TTC29: variants seen among roughly 807,000 people sequenced by gnomAD.
The protein encoded by TTC29 is tetratricopeptide repeat protein 29.
TTC29 carries 49 observed loss-of-function variants against 58.1 expected under a neutral mutation model. The observed-to-expected ratio is 0.84, with a 90% confidence interval of 0.67 to 1.07. The LOEUF (loss-of-function observed/expected upper bound fraction) is 1.07, where lower values mean the gene tolerates loss of function less well. Among genes scored for constraint, TTC29 ranks in the 50% least tolerant of loss-of-function variants. The pLI, the probability that TTC29 is intolerant of heterozygous loss-of-function variation, is 0.00. For missense variants in TTC29, 582 were observed against 555.6 expected (o/e 1.05, Z -0.48); for synonymous variants, 209 against 196.8 (o/e 1.06, Z -0.52).
At chr4:146,815,210 A>G (rs1022926535) in intron 10 of TTC29, among the ~76,000 whole-genome samples, 2 of 152,192 alleles carry the variant, frequency 1.3e-5, no homozygotes, top group Non-Finnish European at 2.9e-5. Context: ...CAGTGTCTAC[A>G]TGAGACAATA....
At chr4:146,869,114 A>G (rs941946989) in intron 7 of TTC29, among the ~76,000 whole-genome samples, 2 of 150,982 alleles carry the variant, frequency 1.3e-5, no homozygotes, top group African/African-American at 4.9e-5. Flanking sequence ...AAAAAAAAAA[A>G]AAAAACCTCT....
At chr4:146,855,303 C>T (rs570448638) in intron 8 of TTC29, among the ~76,000 whole-genome samples, 8 of 152,226 alleles carry the variant, frequency 5.3e-5, no homozygotes, top group African/African-American at 9.6e-5. Flanking sequence ...CATGGTGGTG[C>T]ACGCCTGTAA....
chr4:146,839,969 AG>A (rs1728750320), intron 8 of TTC29, among the ~76,000 whole-genome samples: 1 of 152,074 alleles, frequency 6.6e-6, no homozygotes, highest in Non-Finnish European at 1.5e-5. Flanking sequence ...AGTTTTAAAA[AG>A]AAAATGTTTG....
chr4:146,845,690 G>A (rs757686050), intron 8 of TTC29, among the ~76,000 whole-genome samples: 4 of 152,078 alleles, frequency 2.6e-5, no homozygotes, highest in South Asian at 2.1e-4. Context: ...CACCCCAGCC[G>A]TACAGACCTT....
At chr4:146,931,844 T>G (rs779579321) in intron 4 of TTC29, among the ~76,000 whole-genome samples, 8 of 152,212 alleles carry the variant, frequency 5.3e-5, no homozygotes, top group Non-Finnish European at 1.0e-4. Flanking sequence ...TGGTGAAAAT[T>G]TGAGACCATT....
chr4:146,874,355 AATG>A (rs1731117979), intron 7 of TTC29, among the ~76,000 whole-genome samples: 1 of 152,196 alleles, frequency 6.6e-6, no homozygotes, highest in African/African-American at 2.4e-5. Flanking sequence ...ATTTACAAAC[AATG>A]AAAGGTCTCT....
intron 6 of TTC29, among the ~76,000 whole-genome samples, chr4:146,886,916 T>A (rs978923760): frequency 1.3e-5 from 2 of 152,170 alleles, no homozygotes; most frequent in Non-Finnish European, 2.9e-5. Flanking sequence ...ATATGTGACT[T>A]GGATGAACCT....
chr4:146,758,289 C>T (rs573541345), intron 11 of TTC29, among the ~76,000 whole-genome samples: 2 of 152,200 alleles, frequency 1.3e-5, no homozygotes, highest in African/African-American at 4.8e-5. Context: ...AGGAATATAT[C>T]ACAATTCTAA....
intron 11 of TTC29, among the ~76,000 whole-genome samples, chr4:146,773,207 A>C (rs1747857281): frequency 6.6e-6 from 1 of 151,854 alleles, no homozygotes; most frequent in African/African-American, 2.4e-5. Context: ...GATGAATTTT[A>C]TTTCTTTCTC....
intron 11 of TTC29, among the ~76,000 whole-genome samples, chr4:146,779,290 C>T (rs1178696819): frequency 1.3e-5 from 2 of 152,050 alleles, no homozygotes; most frequent in East Asian, 1.9e-4. Flanking sequence ...CTTCCACTCC[C>T]ATTTCTTTTA....
chr4:146,769,914 G>C (rs561147838), intron 11 of TTC29, among the ~76,000 whole-genome samples: 24 of 151,936 alleles, frequency 1.6e-4, no homozygotes, highest in Non-Finnish European at 3.1e-4. Flanking sequence ...AAAGCTTTTT[G>C]TGTCTGTTTG....
At position 146,803,504 on chromosome 4, in the gene TTC29, A is replaced by G; in HGVS notation, c.1283T>C (p.Leu428Pro). ...SADLTSLNYLLSWKESRGNIE... is the reference protein window; with the variant it reads ...SADLTSLNYLPSWKESRGNIE... ...GTTACCTCTGCTCTCCTTCCATGACAGCAGGTAGTTGAGGCTGGTGAGATC... is the reference window on the plus strand; with the variant it reads ...GTTACCTCTGCTCTCCTTCCATGACGGCAGGTAGTTGAGGCTGGTGAGATC... The change falls in exon 11 of 13, where the codon CTG becomes CCG. Residue 428 changes from leucine (L) to proline (P), a missense_variant. Coordinates refer to ENST00000325106, the MANE Select transcript of TTC29 (RefSeq NM_031956.4). 1.3e-6 allele frequency: 2 copies of G among 1,599,970 alleles called. No homozygotes were observed. The highest frequency in any genetic ancestry group is 1.7e-6 in the Non-Finnish European group (2 of 1,172,046).
intron 6 of TTC29, among the ~76,000 whole-genome samples, chr4:146,888,849 AG>A (rs1732164364): frequency 6.6e-6 from 1 of 152,280 alleles, no homozygotes; most frequent in South Asian, 2.1e-4. Context: ...AACTAAGAGC[AG>A]ACAGCGTCTG....
intron 9 of TTC29, among the ~76,000 whole-genome samples, chr4:146,825,783 C>T (rs1727749518): frequency 6.6e-6 from 1 of 152,180 alleles, no homozygotes; most frequent in Non-Finnish European, 1.5e-5. Context: ...AATCTGGGTG[C>T]TCCTGCATTG....
At chr4:146,896,679 T>C (rs1732790918) in intron 6 of TTC29, among the ~76,000 whole-genome samples, 1 of 152,184 alleles carries the variant, frequency 6.6e-6, no homozygotes, top group African/African-American at 2.4e-5. Flanking sequence ...TCCATATTTG[T>C]CGTCTTCTCT....
Position 146,814,650 on chromosome 4 carries a change from C to T in TTC29, c.1101+5475G>A, listed in dbSNP as rs552016051. Among the ~76,000 whole-genome samples the T allele has an allele frequency of 4.8e-3, 680 of 141,962 alleles. 2 individuals carry two copies. Among genetic ancestry groups the T allele is most frequent in the African/African-American group, 0.016 (635 of 38,738 alleles). 93.1% of individuals were successfully genotyped at this position (141,962 alleles called of 152,430 possible). On this transcript the variant is annotated intron_variant, in intron 10 of 12. Transcript: ENST00000325106. ...CTGAGGCAGGAGAATTACTTGAACC[C>T]GGGAGGCGGAGGTTGCAGCGAGCCG... is the stretch of plus-strand genomic sequence containing the variant.
intron 4 of TTC29, among the ~76,000 whole-genome samples, chr4:146,936,884 A>G (rs1388574259): frequency 6.6e-6 from 1 of 152,100 alleles, no homozygotes; most frequent in Non-Finnish European, 1.5e-5. Context: ...ATTCCATAAG[A>G]TACGTGTAAA....
chr4:146,707,576 A>ATAGAT (rs1018310205), intron 11 of TTC29, 25 bp from the exon 12 acceptor site: 2 of 1,491,082 alleles, frequency 1.3e-6, no homozygotes, highest in African/African-American at 2.8e-5. Context: ...CACAAAGTTA[A>ATAGAT]TAGATTATCA....
intron 8 of TTC29, among the ~76,000 whole-genome samples, chr4:146,851,888 T>C (rs1464068156): frequency 1.3e-5 from 2 of 152,198 alleles, no homozygotes; most frequent in African/African-American, 4.8e-5. Flanking sequence ...GACATCTTTT[T>C]CTCTGGAGAA....
Sources: gnomAD v4.1 joint callset for allele counts (sites outside exome capture counted in the v4.1 genomes callset) on GRCh38, gnomAD v4.1.1 for gene constraint, MANE v1.5 for transcripts, NCBI Gene and HGNC (gene_info 2026-07-23, HGNC 2026-07-21) for gene names.